PCDH9: variants seen among roughly 807,000 people sequenced by gnomAD.
The protein encoded by PCDH9 is protocadherin-9.
A neutral mutation model predicts 70.6 loss-of-function variants in PCDH9; 24 were observed. That is an observed-to-expected ratio of 0.34 (90% confidence interval 0.25 to 0.48). PCDH9 has a LOEUF of 0.48. Ranked by LOEUF, PCDH9 falls within the 20% of genes least tolerant of loss-of-function variation. The pLI, the probability that PCDH9 is intolerant of heterozygous loss-of-function variation, is 0.99. For synonymous variants in PCDH9, 562 were observed against 558.5 expected, an observed-to-expected ratio of 1.01 and a Z score of -0.09; for missense variants, 1,281 against 1,503.6, an observed-to-expected ratio of 0.85 and a Z score of 2.45.
chr13:67,211,679 T>C (rs761267963), intron 2 of PCDH9: 5 of 152,100 alleles, frequency 3.3e-5, no homozygotes, highest in Non-Finnish European at 5.9e-5. Flanking sequence ...GGAAAACATA[T>C]ATATATAAAA....
At chr13:67,000,372 C>T (rs1177623410) in intron 2 of PCDH9, among the ~76,000 whole-genome samples, 1 of 150,912 alleles carries the variant, frequency 6.6e-6, no homozygotes, top group Admixed American at 6.6e-5. Context: ...AGGAGATACA[C>T]CTAATGCTAA....
chr13:66,492,013 A>G (rs1281197948), intron 4 of PCDH9, among the ~76,000 whole-genome samples: 1 of 152,182 alleles, frequency 6.6e-6, no homozygotes, highest in South Asian at 2.1e-4. Context: ...TTGGTTCTCA[A>G]ATGGGTATGT....
chr13:66,512,778 C>T (rs1959542722), intron 4 of PCDH9, among the ~76,000 whole-genome samples: 1 of 149,442 alleles, frequency 6.7e-6, no homozygotes, highest in Admixed American at 6.7e-5. Flanking sequence ...GACACATGGA[C>T]TCATTCTTTC....
Position 66,304,378 on chromosome 13 carries a change from A to T in PCDH9, c.*277T>A, listed in dbSNP as rs1266869377. On this transcript the variant is annotated 3_prime_UTR_variant, in exon 5 of 5. Coordinates refer to ENST00000377865, the MANE Select transcript of PCDH9 (RefSeq NM_203487.3). ...TGCATATTCTATTGTTCATAGCAGC[A>T]GTCCAGGGTCAAAATAAAATGCAAT... 3.3e-6 allele frequency: 1 copy of T among 305,132 alleles called. No individual in the cohort carries two copies. The highest frequency in any genetic ancestry group is 4.4e-5 in the Admixed American group (1 of 22,476). 18.9% of individuals were successfully genotyped at this position (305,132 alleles called of 1,614,324 possible). A position where few individuals can be genotyped will look rare whatever the true frequency, so the allele number is the denominator to read the frequency against.
chr13:67,026,186 G>A (rs1269782331), intron 2 of PCDH9, among the ~76,000 whole-genome samples: 1 of 152,056 alleles, frequency 6.6e-6, no homozygotes, highest in African/African-American at 2.4e-5. Context: ...TGCATCCCAG[G>A]GATGAAGCCC....
chr13:67,166,041 A>G (rs1317240499), intron 2 of PCDH9, among the ~76,000 whole-genome samples: 1 of 152,194 alleles, frequency 6.6e-6, no homozygotes, highest in Non-Finnish European at 1.5e-5. Flanking sequence ...CTTGAGTTAA[A>G]AAAGTCGTGG....
chr13:67,145,632 A>G (rs181332331), intron 2 of PCDH9, among the ~76,000 whole-genome samples: 18 of 152,172 alleles, frequency 1.2e-4, no homozygotes, highest in African/African-American at 4.3e-4. Context: ...TTTCAGCCAT[A>G]TATTCATATG....
chr13:67,194,353 T>C (rs533906718), intron 2 of PCDH9, among the ~76,000 whole-genome samples: 8 of 136,200 alleles, frequency 5.9e-5, no homozygotes, highest in Admixed American at 5.4e-4. Flanking sequence ...CTGAAATAAG[T>C]TTTTTAACTT....
chr13:66,573,162 T>C (rs1471866923), intron 4 of PCDH9, among the ~76,000 whole-genome samples: 1 of 152,156 alleles, frequency 6.6e-6, no homozygotes, highest in Non-Finnish European at 1.5e-5. Context: ...TGGTTTTGAT[T>C]TGCATTTTTC....
chr13:66,758,054 C>G (rs530672880), intron 3 of PCDH9, among the ~76,000 whole-genome samples: 1 of 151,778 alleles, frequency 6.6e-6, no homozygotes, highest in South Asian at 2.1e-4. Flanking sequence ...ATAAGTAATA[C>G]GCAAAATGTT....
At chr13:66,480,785 T>C (rs1193730038) in intron 4 of PCDH9, among the ~76,000 whole-genome samples, 1 of 152,138 alleles carries the variant, frequency 6.6e-6, no homozygotes, top group African/African-American at 2.4e-5. Context: ...AGAAATACCA[T>C]TTGACCCAGC....
intron 2 of PCDH9, among the ~76,000 whole-genome samples, chr13:67,051,437 G>A (rs981643522): frequency 2.2e-4 from 29 of 131,778 alleles, no homozygotes; most frequent in African/African-American, 7.7e-4. Flanking sequence ...CTGTCACCCA[G>A]GCTGGAGTGC....
chr13:66,859,439 AGGTTAGGTT>A (rs758027666), intron 3 of PCDH9, among the ~76,000 whole-genome samples: 8 of 152,184 alleles, frequency 5.3e-5, no homozygotes, highest in Admixed American at 1.3e-4. Flanking sequence ...GGTAAAATTT[AGGTTAGGTT>A]GATTAATTGT....
chr13:66,402,275 T>C (rs1011695778), intron 4 of PCDH9, among the ~76,000 whole-genome samples: 1 of 152,094 alleles, frequency 6.6e-6, no homozygotes, highest in African/African-American at 2.4e-5. Context: ...ATTAAACCAA[T>C]TCTGAAACTG....
intron 3 of PCDH9, among the ~76,000 whole-genome samples, chr13:66,793,260 A>G (rs1209420563): frequency 6.6e-6 from 1 of 152,170 alleles, no homozygotes. Context: ...ATTCATGTTA[A>G]TTAACTTTGA....
intron 3 of PCDH9, among the ~76,000 whole-genome samples, chr13:66,803,649 C>T (rs2080362726): frequency 1.3e-5 from 2 of 152,052 alleles, no homozygotes; most frequent in South Asian, 4.1e-4. Context: ...CTCCATTACT[C>T]TAGGGTGTTT....
intron 2 of PCDH9, among the ~76,000 whole-genome samples, chr13:67,190,197 C>T (rs1056713084): frequency 6.6e-6 from 1 of 151,956 alleles, no homozygotes; most frequent in African/African-American, 2.4e-5. Flanking sequence ...TTACCTGATT[C>T]CTGCCACTAG....
intron 4 of PCDH9, among the ~76,000 whole-genome samples, chr13:66,493,078 C>T (rs1383613468): frequency 1.3e-5 from 2 of 152,060 alleles, no homozygotes; most frequent in Admixed American, 6.6e-5. Context: ...AAACATGTTT[C>T]CTATGTGACT....
chr13:66,625,378 G>A (rs1261988181), intron 4 of PCDH9, among the ~76,000 whole-genome samples: 2 of 152,080 alleles, frequency 1.3e-5, no homozygotes, highest in East Asian at 1.9e-4. Context: ...TGCATTTCCT[G>A]TAAGAACGGT....
Sources: allele counts gnomAD v4.1 joint callset (sites outside exome capture counted in the v4.1 genomes callset), GRCh38; gene constraint gnomAD v4.1.1; transcripts MANE v1.5; gene names NCBI Gene and HGNC (gene_info 2026-07-23, HGNC 2026-07-21).